Variants in DLGAP1 observed in about 807,000 individuals in gnomAD.
DLGAP1 encodes the protein disks large-associated protein 1.
In DLGAP1, 11 loss-of-function variants were observed where a neutral mutation model predicts 90.8. The ratio of observed to expected loss-of-function variants is 0.12; its 90% CI spans 0.08 to 0.20. The LOEUF (loss-of-function observed/expected upper bound fraction) is 0.20. Ranked by LOEUF, DLGAP1 falls within the 10% of genes least tolerant of loss-of-function variation. The probability of loss-of-function intolerance (pLI) is 1.00; values close to 1 mark genes in which losing one functional copy is unlikely to be tolerated. For missense variants in DLGAP1, 1,050 were observed against 1,333.8 expected, an observed-to-expected ratio of 0.79 and a Z score of 3.31; for synonymous variants, 558 against 540.7, an observed-to-expected ratio of 1.03 and a Z score of -0.44.
At chr18:4,134,020 G>A (rs370768697) in intron 2 of DLGAP1, among the ~76,000 whole-genome samples, 129 of 151,910 alleles carry the variant, frequency 8.5e-4, no homozygotes, top group African/African-American at 3.0e-3. Context: ...AAGTCAGGTA[G>A]GTGAGATGGG....
chr18:3,984,551 C>T (rs1474327081), intron 3 of DLGAP1, among the ~76,000 whole-genome samples: 1 of 152,172 alleles, frequency 6.6e-6, no homozygotes, highest in Non-Finnish European at 1.5e-5. Flanking sequence ...CTCACATTCA[C>T]CCTGTCACCC....
At chr18:3,991,799 T>C (rs1173968834) in intron 3 of DLGAP1, among the ~76,000 whole-genome samples, 3 of 152,250 alleles carry the variant, frequency 2.0e-5, no homozygotes, top group Admixed American at 1.3e-4. Flanking sequence ...GCATTACATA[T>C]AGAATTTTTC....
chr18:3,911,764 T>C (rs1276264470), intron 3 of DLGAP1, among the ~76,000 whole-genome samples: 2 of 152,242 alleles, frequency 1.3e-5, no homozygotes, highest in African/African-American at 4.8e-5. Flanking sequence ...ATCATAGCAC[T>C]TCTCCTTCCT....
intron 1 of DLGAP1, among the ~76,000 whole-genome samples, chr18:4,415,695 T>C (rs2082884449): frequency 6.6e-6 from 1 of 152,190 alleles, no homozygotes; most frequent in Non-Finnish European, 1.5e-5. Flanking sequence ...CTCTGTCACT[T>C]ACTAGCTTTA....
At chr18:3,838,150 T>C (rs1158113697) in intron 4 of DLGAP1, among the ~76,000 whole-genome samples, 1 of 152,176 alleles carries the variant, frequency 6.6e-6, no homozygotes. Context: ...GAATTGAGTT[T>C]TCCTGATGTT....
chr18:4,430,502 C>CTGTGTGTCTGTGTGTG, intron 1 of DLGAP1: 1 of 142,652 alleles, frequency 7.0e-6, no homozygotes, highest in South Asian at 2.4e-4. Context: ...TCTTGTGTGT[C>CTGTGTGTCTGTGTGTG]TGTGTGTGTG....
At chr18:3,734,896 T>A (rs2062579429) in intron 6 of DLGAP1, among the ~76,000 whole-genome samples, 1 of 152,194 alleles carries the variant, frequency 6.6e-6, no homozygotes, top group Non-Finnish European at 1.5e-5. Flanking sequence ...ACAGAAATAT[T>A]TAATTTTATT....
intron 7 of DLGAP1, among the ~76,000 whole-genome samples, chr18:3,684,455 C>T (rs544791671): frequency 1.9e-4 from 29 of 151,522 alleles, no homozygotes; most frequent in Non-Finnish European, 3.8e-4. Context: ...CTGCCTCAGC[C>T]TCCCAAAGTG....
intron 2 of DLGAP1, among the ~76,000 whole-genome samples, chr18:4,088,262 T>C (rs1362456006): frequency 6.6e-6 from 1 of 152,196 alleles, no homozygotes; most frequent in Admixed American, 6.5e-5. Context: ...ATACTTCCAG[T>C]GTTTCTCTCT....
chr18:4,074,968 C>G (rs1406141843), intron 2 of DLGAP1, among the ~76,000 whole-genome samples: 1 of 152,122 alleles, frequency 6.6e-6, no homozygotes, highest in Admixed American at 6.6e-5. Flanking sequence ...AGTAAAGAAA[C>G]TTTGTTTCTT....
At chr18:3,810,102 T>C (rs996748695) in intron 5 of DLGAP1, among the ~76,000 whole-genome samples, 1 of 152,208 alleles carries the variant, frequency 6.6e-6, no homozygotes, top group East Asian at 1.9e-4. Context: ...AAGCTAGTGA[T>C]GAGGTGGAGT....
At chr18:4,130,261 A>C (rs1568412499) in intron 2 of DLGAP1, among the ~76,000 whole-genome samples, 2 of 152,216 alleles carry the variant, frequency 1.3e-5, no homozygotes, top group South Asian at 2.1e-4. Context: ...TTTCAGAATG[A>C]GTAAATTCCA....
At chr18:4,384,712 C>T (rs1476890734) in intron 1 of DLGAP1, among the ~76,000 whole-genome samples, 1 of 152,068 alleles carries the variant, frequency 6.6e-6, no homozygotes, top group African/African-American at 2.4e-5. Context: ...ACTACCTAGC[C>T]TATCTGAAGG....
rs1017608380 is a variant in DLGAP1, at chr18:3,758,604, A to C, written c.1173-16092T>G. On this transcript the variant is annotated intron_variant, in intron 5 of 12. Transcript: ENST00000315677. ...TTGCTTGCTTGCACATCTATTTATA[A>C]GCTTAACATGGATTATATTGAAGTC... 2.6e-5 allele frequency among the ~76,000 whole-genome samples: 4 copies of C among 152,226 alleles called. No individual in the cohort carries two copies. The East Asian group carries it at 7.7e-4, about 29-fold the overall frequency.
At chr18:3,801,642 G>T (rs1198561876) in intron 5 of DLGAP1, among the ~76,000 whole-genome samples, 1 of 152,118 alleles carries the variant, frequency 6.6e-6, no homozygotes, top group East Asian at 1.9e-4. Flanking sequence ...TATGTGAATT[G>T]TGTCTGGCAC....
At chr18:4,151,809 T>C (rs1342984974) in intron 1 of DLGAP1, among the ~76,000 whole-genome samples, 1 of 152,176 alleles carries the variant, frequency 6.6e-6, no homozygotes, top group Admixed American at 6.5e-5. Context: ...AGAGACTTGC[T>C]GGTGCCTAAG....
At position 3,605,926 on chromosome 18, in the gene DLGAP1, G is replaced by T. The variant is rs1228602035; in HGVS notation, c.1592-23678C>A. The stretch of plus-strand genomic sequence containing the variant: ...GCCACTAACAAGTTTGTGTGAAAGA[G>T]AATTCATGAAGAAATAGGAGACTTC... On this transcript the variant is annotated intron_variant, in intron 7 of 12. Coordinates refer to ENST00000315677, the MANE Select transcript of DLGAP1 (RefSeq NM_004746.4). Among the ~76,000 whole-genome samples, 4 of 152,196 alleles carry T rather than the reference G, an allele frequency of 2.6e-5. No homozygotes were observed. The East Asian group carries it at 7.7e-4, about 29-fold the overall frequency.
In DLGAP1 at chr18:4,019,438, T is replaced by G. The variant is rs1471402533; in HGVS notation, c.-158-14237A>C. On this transcript the variant is annotated intron_variant, in intron 2 of 12. Transcript: ENST00000315677. Reference sequence around the variant, plus strand: ...TACACATTTTCATATACTTACAAGATATAATTTTTTATGCAAAAGAGTCTT... The same window carrying G: ...TACACATTTTCATATACTTACAAGAGATAATTTTTTATGCAAAAGAGTCTT... 2.6e-5 allele frequency among the ~76,000 whole-genome samples: 4 copies of G among 152,204 alleles called. No homozygotes were observed. The East Asian group carries it at 7.7e-4, about 29-fold the overall frequency.
At chr18:3,655,862 T>G (rs760606650) in intron 7 of DLGAP1, 2 of 473,468 alleles carry the variant, frequency 4.2e-6, no homozygotes, top group East Asian at 3.3e-5. Flanking sequence ...GAAACAGACA[T>G]GTTGGTGCTG....
Sources: allele counts gnomAD v4.1 joint callset (sites outside exome capture counted in the v4.1 genomes callset), GRCh38; gene constraint gnomAD v4.1.1; transcripts MANE v1.5; gene names NCBI Gene and HGNC (gene_info 2026-07-23, HGNC 2026-07-21).